MTA3: variants seen among roughly 807,000 people sequenced by gnomAD.
The protein encoded by MTA3 is metastasis-associated protein MTA3.
MTA3 carries 34 observed loss-of-function variants against 83.5 expected under a neutral mutation model. The observed-to-expected ratio is 0.41, with a 90% CI of 0.31 to 0.54. The LOEUF is 0.54. MTA3 is among the 20% of genes least tolerant of loss of function. The probability of loss-of-function intolerance (pLI) is 0.33; values close to 1 mark genes in which losing one functional copy is unlikely to be tolerated. For missense variants in MTA3, 761 were observed against 726.4 expected (o/e 1.05, Z -0.55); for synonymous variants, 303 against 252.7 (o/e 1.20, Z -1.89).
chr2:42,592,526 G>T (rs529274436), intron 3 of MTA3, among the ~76,000 whole-genome samples: 1 of 152,324 alleles, frequency 6.6e-6, no homozygotes, highest in East Asian at 1.9e-4. Flanking sequence ...TGAGGCTGCA[G>T]TGAGCTGTGT....
chr2:42,571,876 G>C (rs889869480), intron 2 of MTA3, among the ~76,000 whole-genome samples: 2 of 151,934 alleles, frequency 1.3e-5, no homozygotes, highest in African/African-American at 4.8e-5. Context: ...GAACCTGGGA[G>C]GCATAGGTGG....
At chr2:42,725,574 A>G (rs980948150) in intron 16 of MTA3, among the ~76,000 whole-genome samples, 2 of 152,236 alleles carry the variant, frequency 1.3e-5, no homozygotes, top group Non-Finnish European at 2.9e-5. Flanking sequence ...TTGGGAGAGC[A>G]CAAGGAAGAA....
chr2:42,684,766 C>T (rs1558580178), intron 9 of MTA3, among the ~76,000 whole-genome samples: 1 of 152,184 alleles, frequency 6.6e-6, no homozygotes. Flanking sequence ...TCATTCTGTG[C>T]TCTGGTGGTA....
chr2:42,716,731 A>G (rs1667057042), intron 14 of MTA3, among the ~76,000 whole-genome samples: 1 of 152,132 alleles, frequency 6.6e-6, no homozygotes, highest in Admixed American at 6.6e-5. Flanking sequence ...TCAGTCTATC[A>G]TTGGTGGATA....
chr2:42,705,570 G>T (rs1666008178), intron 12 of MTA3, among the ~76,000 whole-genome samples: 1 of 152,156 alleles, frequency 6.6e-6, no homozygotes. Context: ...GCCAGGCATG[G>T]TGGCATGCAC....
At chr2:42,706,105 A>G (rs1325116198) in intron 12 of MTA3, among the ~76,000 whole-genome samples, 3 of 152,128 alleles carry the variant, frequency 2.0e-5, no homozygotes, top group African/African-American at 4.8e-5. Flanking sequence ...GAAGGGGAAC[A>G]TCACATCTGG....
chr2:42,628,223 T>G (rs1407179030), intron 4 of MTA3, among the ~76,000 whole-genome samples: 1 of 150,060 alleles, frequency 6.7e-6, no homozygotes, highest in African/African-American at 2.4e-5. Context: ...TATTTATTTA[T>G]TTATTTATTT....
intron 2 of MTA3, among the ~76,000 whole-genome samples, chr2:42,526,730 A>C (rs1418692548): frequency 6.6e-6 from 1 of 152,082 alleles, no homozygotes; most frequent in Non-Finnish European, 1.5e-5. Flanking sequence ...CTACCCTTCA[A>C]GATGGATTCA....
chr2:42,513,385 T>C (rs1320974919), intron 2 of MTA3, among the ~76,000 whole-genome samples: 1 of 152,158 alleles, frequency 6.6e-6, no homozygotes. Flanking sequence ...ACAAATATCC[T>C]TGGAACTTAA....
At chr2:42,735,738 C>T (rs1408806263) in intron 16 of MTA3, among the ~76,000 whole-genome samples, 2 of 152,174 alleles carry the variant, frequency 1.3e-5, no homozygotes, top group African/African-American at 4.8e-5. Context: ...TTGATCAATT[C>T]ATTAAGAGAC....
chr2:42,729,434 T>G (rs1668099118), intron 16 of MTA3, among the ~76,000 whole-genome samples: 1 of 152,070 alleles, frequency 6.6e-6, no homozygotes, highest in African/African-American at 2.4e-5. Context: ...AGTATTTAAT[T>G]TATTTTGATT....
At chr2:42,586,582 AC>A (rs1680347640) in intron 3 of MTA3, among the ~76,000 whole-genome samples, 1 of 11,408 alleles carries the variant, frequency 8.8e-5, no homozygotes, top group Non-Finnish European at 1.6e-4. Context: ...ACACACACAC[AC>A]ACACACACAC....
chr2:42,517,150 C>T (rs1215262274), intron 2 of MTA3, among the ~76,000 whole-genome samples: 3 of 152,132 alleles, frequency 2.0e-5, no homozygotes, highest in Non-Finnish European at 2.9e-5. Context: ...ATTCCAGCTA[C>T]TCAGGAGGCT....
chr2:42,704,107 A>T, intron 11 of MTA3, 87 bp from the exon 12 acceptor site: 1 of 1,389,748 alleles, frequency 7.2e-7, no homozygotes, highest in Non-Finnish European at 9.7e-7. Flanking sequence ...ATGTTTATTA[A>T]ATAGTGACGG....
rs1279540979 is a variant in MTA3, at chr2:42,594,246, T to C, written c.190+15046T>C. ...GGAGGGAGCCATGCGCCAGGCCCCT[T>C]TTTTTTTTTTTTTTTTTTTAAAAGA... On this transcript the variant is annotated intron_variant, in intron 3 of 16. Coordinates refer to ENST00000405094, the MANE Select transcript of MTA3 (RefSeq NM_001330442.2). Among the ~76,000 whole-genome samples the C allele has an allele frequency of 8.9e-3, 13 of 1,462 alleles. No homozygotes were observed. In the South Asian group the frequency reaches 0.14, roughly 15 times the overall value. The allele number at this position is 1,462 out of a possible 152,430, so 1.0% of individuals were successfully genotyped here. A position where few individuals can be genotyped will look rare whatever the true frequency, so the allele number is the denominator to read the frequency against.
Position 42,622,289 on chromosome 2 carries a change from G to T in MTA3, c.317+12705G>T, listed in dbSNP as rs367565130. Among the ~76,000 whole-genome samples, 67 of 152,128 alleles carry T rather than the reference G, an allele frequency of 4.4e-4. No homozygotes were observed. In the East Asian group the frequency reaches 5.4e-3, roughly 12 times the overall value. The stretch of plus-strand genomic sequence containing the variant: ...GGCTTGGCGGCGCGCGCCTGCAATC[G>T]CAGGCACTCAGCAGGCTGAGGCAGG... On this transcript the variant is annotated intron_variant, in intron 4 of 16. Coordinates refer to ENST00000405094, the MANE Select transcript of MTA3 (RefSeq NM_001330442.2).
intron 3 of MTA3, among the ~76,000 whole-genome samples, chr2:42,592,610 CTT>C (rs753474572): frequency 7.9e-5 from 12 of 152,204 alleles, no homozygotes; most frequent in Admixed American, 1.3e-4. Flanking sequence ...ACTTTTTAAA[CTT>C]TTTTTATTAA....
At chr2:42,580,165 T>A (rs1200629017) in intron 3 of MTA3, among the ~76,000 whole-genome samples, 1 of 152,072 alleles carries the variant, frequency 6.6e-6, no homozygotes, top group African/African-American at 2.4e-5. Context: ...CAGGCTGGTC[T>A]GGAACTCTTG....
chr2:42,547,711 T>A (rs1572960757), intron 2 of MTA3, among the ~76,000 whole-genome samples: 2 of 152,224 alleles, frequency 1.3e-5, no homozygotes, highest in African/African-American at 4.8e-5. Flanking sequence ...TACAGGCGCA[T>A]ACTCCTAAAT....
Sources: gnomAD v4.1 joint callset for allele counts (sites outside exome capture counted in the v4.1 genomes callset) on GRCh38, gnomAD v4.1.1 for gene constraint, MANE v1.5 for transcripts, NCBI Gene and HGNC (gene_info 2026-07-23, HGNC 2026-07-21) for gene names.